CWF19L1: variants seen among roughly 807,000 people sequenced by gnomAD.
CWF19L1 encodes the protein CWF19 like cell cycle control factor 1.
CWF19L1 carries 60 observed loss-of-function variants against 69.7 expected under a neutral mutation model. The observed-to-expected ratio is 0.86, with a 90% CI of 0.70 to 1.07. The LOEUF (loss-of-function observed/expected upper bound fraction) is 1.07. CWF19L1 is among the 50% of genes least tolerant of loss of function. CWF19L1 has a pLI of 0.00. For synonymous variants in CWF19L1, 209 were observed against 222.2 expected, an observed-to-expected ratio of 0.94 and a Z score of 0.53; for missense variants, 591 against 638.9, an observed-to-expected ratio of 0.92 and a Z score of 0.81.
intron 1 of CWF19L1, 183 bp from the exon 2 acceptor site, chr10:100,262,246 T>C (rs1847428603): frequency 1.0e-6 from 1 of 985,256 alleles, no homozygotes. Flanking sequence ...CACCTCCCAC[T>C]CGCCGTATCT....
intron 9 of CWF19L1, among the ~76,000 whole-genome samples, chr10:100,245,086 C>T (rs1846769347): frequency 1.4e-5 from 2 of 147,136 alleles, no homozygotes; most frequent in African/African-American, 2.5e-5. Context: ...GCAATGGCAT[C>T]ATCTCGGCTC....
chr10:100,236,839 C>A lies in CWF19L1; in HGVS notation c.1374+11G>T. 1 of 1,576,494 alleles carries A rather than the reference C, an allele frequency of 6.3e-7. No homozygotes were observed. The highest frequency in any genetic ancestry group is 1.2e-5 in the South Asian group (1 of 84,714). On this transcript the variant is annotated intron_variant, in intron 12 of 13. Coordinates refer to ENST00000354105, the MANE Select transcript of CWF19L1 (RefSeq NM_018294.6). ...TTACTCTTCCCTGAATATCACCATC[C>A]CCTGTTTCACCTGCTTGATGTCAGA...
intron 3 of CWF19L1, 65 bp downstream of exon 3, chr10:100,260,901 T>G: frequency 2.0e-6 from 2 of 983,018 alleles, no homozygotes; most frequent in Non-Finnish European, 3.1e-6. Context: ...AAAACAACTC[T>G]GCAAGAACTC....
At chr10:100,242,609 G>C (rs1846672289) in intron 10 of CWF19L1, among the ~76,000 whole-genome samples, 2 of 151,648 alleles carry the variant, frequency 1.3e-5, no homozygotes, top group South Asian at 2.1e-4. Flanking sequence ...GGGAGGCAGA[G>C]GTTGCAGTGA....
At position 100,238,197 on chromosome 10, in the gene CWF19L1, T is replaced by G. The variant is rs1846514412; in HGVS notation, c.1079A>C (p.Asp360Ala). Residue 360 changes from aspartate to alanine, a missense_variant, in exon 11 of 14, where the codon GAT (aspartate) becomes GCT (alanine). Physicochemically the swap from Asp to Ala is moderately radical, Grantham distance 126. This residue lies in a region of CWF19L1 where 458 missense variants were observed against 489.3 expected (regional missense o/e 0.94). Coordinates refer to ENST00000354105, the MANE Select transcript of CWF19L1 (RefSeq NM_018294.6). ...YLALAKGGLS[D>A]DHVLILPIGH... ...AATAGGCAGGATGAGGACATGGTCA[T>G]CAGATAAGCCTCCTTTGGCCAGGGC... 1.2e-6 allele frequency: 2 copies of G among 1,614,020 alleles called. No individual in the cohort carries two copies. Among genetic ancestry groups the G allele is most frequent in the South Asian group, 1.1e-5 (1 of 91,092 alleles).
intron 10 of CWF19L1, among the ~76,000 whole-genome samples, chr10:100,239,989 G>A (rs17729876): frequency 0.29 from 44,017 of 152,124 alleles, 8,049 homozygotes; most frequent in Non-Finnish European, 0.43. Context: ...ATAAACATCA[G>A]CTTCTCTATT....
chr10:100,238,148 C>T lies in CWF19L1; in HGVS notation c.1128G>A (p.Glu376=), dbSNP rs767475660. The T allele has an allele frequency of 1.9e-6, 3 of 1,614,070 alleles. No homozygotes were observed. The highest frequency in any genetic ancestry group is 1.7e-6 in the Non-Finnish European group (2 of 1,180,038). ...LPIGHYQSVV[E]LSAEVVEEVE... ...CCTCTTCTACCACCTCTGCTGAAAG[C>T]TCCACCACTGACTGGTAGTGTCCAA... Residue 376 remains glutamate (E), a synonymous_variant, in exon 11 of 14, where the codon GAG becomes GAA. Transcript: ENST00000354105.
chr10:100,242,557 C>T (rs1280224314), intron 10 of CWF19L1, among the ~76,000 whole-genome samples: 5 of 152,054 alleles, frequency 3.3e-5, no homozygotes, highest in East Asian at 1.9e-4. Flanking sequence ...GCCTGTAATC[C>T]CAGCTACTTG....
intron 1 of CWF19L1, among the ~76,000 whole-genome samples, chr10:100,265,211 G>T (rs1374104293): frequency 6.6e-6 from 1 of 151,844 alleles, no homozygotes; most frequent in African/African-American, 2.4e-5. Context: ...TTTTTGTACA[G>T]CTGTACAATG....
At chr10:100,245,712 G>A (rs1846795464) in intron 9 of CWF19L1, 87 bp downstream of exon 9, 1 of 922,084 alleles carries the variant, frequency 1.1e-6, no homozygotes. Context: ...TGCCAGAAGA[G>A]GCTCTCTTAG....
At chr10:100,257,287 CTT>C (rs55939570) in intron 4 of CWF19L1, among the ~76,000 whole-genome samples, 96 of 105,838 alleles carry the variant, frequency 9.1e-4, no homozygotes, top group Non-Finnish European at 1.4e-3. Flanking sequence ...AGTGCTTTAC[CTT>C]TTTTTTTTTT....
intron 12 of CWF19L1, among the ~76,000 whole-genome samples, chr10:100,236,599 G>A (rs575436626): frequency 2.0e-5 from 3 of 152,130 alleles, no homozygotes; most frequent in South Asian, 2.1e-4. Context: ...GTGAAACCCC[G>A]TCTCGACTAA....
At chr10:100,256,833 C>T (rs17730369) in intron 4 of CWF19L1, among the ~76,000 whole-genome samples, 1 of 152,068 alleles carries the variant, frequency 6.6e-6, no homozygotes, top group Non-Finnish European at 1.5e-5. Context: ...GACATCTGGA[C>T]ACAGGAAAAG....
At chr10:100,257,349 A>C (rs991740081) in intron 4 of CWF19L1, among the ~76,000 whole-genome samples, 1 of 130,724 alleles carries the variant, frequency 7.6e-6, no homozygotes, top group African/African-American at 3.0e-5. Context: ...GCTGGAGTGC[A>C]GTGGCGCAAT....
chr10:100,235,848 G>C, intron 12 of CWF19L1, 84 bp from the exon 13 acceptor site: 1 of 950,142 alleles, frequency 1.1e-6, no homozygotes, highest in Non-Finnish European at 1.6e-6. Context: ...AAATAATTCA[G>C]TCTAAATGCA....
intron 10 of CWF19L1, among the ~76,000 whole-genome samples, chr10:100,242,500 C>A (rs1178710864): frequency 6.6e-6 from 1 of 152,058 alleles, no homozygotes; most frequent in African/African-American, 2.4e-5. Context: ...AGGGTGAAAC[C>A]CTGTCTCTAC....
At chr10:100,253,763 C>T (rs1472781746) in intron 5 of CWF19L1, 3 of 426,104 alleles carry the variant, frequency 7.0e-6, no homozygotes, top group Non-Finnish European at 1.2e-5. Context: ...CTGTTGGAAG[C>T]CAGAGATTAA....
intron 13 of CWF19L1, among the ~76,000 whole-genome samples, chr10:100,234,476 C>T (rs1846368803): frequency 6.6e-6 from 1 of 152,154 alleles, no homozygotes; most frequent in Non-Finnish European, 1.5e-5. Flanking sequence ...TGTCAATGTT[C>T]ATAACCGCAT....
chr10:100,246,682 T>C (rs534015162), intron 8 of CWF19L1, 113 bp downstream of exon 8: 20 of 1,099,022 alleles, frequency 1.8e-5, no homozygotes, highest in Non-Finnish European at 2.5e-5. Flanking sequence ...TCATCATGAT[T>C]TCCCAAGGGG....
Sources: allele counts gnomAD v4.1 joint callset (sites outside exome capture counted in the v4.1 genomes callset), GRCh38; gene constraint gnomAD v4.1.1; regional missense constraint gnomAD v4.1.1; transcripts MANE v1.5; gene names NCBI Gene and HGNC (gene_info 2026-07-23, HGNC 2026-07-21).